Variants in RBFOX3 observed in about 807,000 individuals in gnomAD.
The protein encoded by RBFOX3 is RNA binding fox-1 homolog 3.
In RBFOX3, 17 loss-of-function variants were observed where a neutral mutation model predicts 48.7. The ratio of observed to expected loss-of-function variants is 0.35; its 90% CI spans 0.24 to 0.52. The LOEUF (loss-of-function observed/expected upper bound fraction) is 0.52. Ranked by LOEUF, RBFOX3 falls within the 20% of genes least tolerant of loss-of-function variation. The probability of loss-of-function intolerance (pLI) is 0.94; values close to 1 mark genes in which losing one functional copy is unlikely to be tolerated. For synonymous variants in RBFOX3, 212 were observed against 209.5 expected, an observed-to-expected ratio of 1.01 and a Z score of -0.10; for missense variants, 382 against 497.5, an observed-to-expected ratio of 0.77 and a Z score of 2.21.
intron 1 of RBFOX3, among the ~76,000 whole-genome samples, chr17:79,522,911 C>A (rs2086299684): frequency 1.8e-5 from 2 of 112,244 alleles, no homozygotes; most frequent in African/African-American, 3.7e-5. Flanking sequence ...GCCTGGGTGA[C>A]AGAGCAAGAC....
chr17:79,495,103 C>G (rs1415438646), intron 1 of RBFOX3, among the ~76,000 whole-genome samples: 1 of 151,930 alleles, frequency 6.6e-6, no homozygotes, highest in Non-Finnish European at 1.5e-5. Flanking sequence ...CGTTAAGGGT[C>G]GAAGCCCCCT....
Position 79,199,110 on chromosome 17 carries a change from G to A in RBFOX3, c.-34+36656C>T, listed in dbSNP as rs1262205373. Among the ~76,000 whole-genome samples, 1 of 152,172 alleles carries A rather than the reference G, an allele frequency of 6.6e-6. No individual in the cohort carries two copies. The highest frequency in any genetic ancestry group is 1.5e-5 in the Non-Finnish European group (1 of 68,036). On this transcript the variant is annotated intron_variant, in intron 4 of 14. Transcript: ENST00000693108. This position sits in a 1 kb window ranked among gnomAD's most constrained non-coding sequence, Gnocchi z 5.1. ...CAGAAAACAGTGGGAAGCAAGTGGG[G>A]GCTGTCTCCATGGAGTGAAAGCTGC... is the stretch of plus-strand genomic sequence containing the variant.
intron 2 of RBFOX3, among the ~76,000 whole-genome samples, chr17:79,381,610 G>T (rs971273263): frequency 1.3e-5 from 2 of 152,196 alleles, no homozygotes; most frequent in Non-Finnish European, 2.9e-5. Flanking sequence ...CAGCTGTGCG[G>T]AACAGGCACT....
intron 2 of RBFOX3, among the ~76,000 whole-genome samples, chr17:79,478,060 C>T (rs1219168698): frequency 3.3e-5 from 5 of 152,190 alleles, no homozygotes; most frequent in East Asian, 1.9e-4. Context: ...CCCCTCTCCC[C>T]GCTGCCAAGC....
intron 1 of RBFOX3, among the ~76,000 whole-genome samples, chr17:79,543,577 C>T (rs529955723): frequency 2.6e-5 from 4 of 152,296 alleles, no homozygotes; most frequent in African/African-American, 9.6e-5. Context: ...ACACTCCCCC[C>T]TTCATCAGCT....
At chr17:79,466,873 A>T (rs1396115805) in intron 2 of RBFOX3, among the ~76,000 whole-genome samples, 1 of 152,090 alleles carries the variant, frequency 6.6e-6, no homozygotes, top group Non-Finnish European at 1.5e-5. Flanking sequence ...CCACACGACC[A>T]GGTGTGAAGA....
intron 4 of RBFOX3, among the ~76,000 whole-genome samples, chr17:79,125,231 T>A (rs11867923): frequency 0.28 from 43,329 of 152,130 alleles, 6,891 homozygotes; most frequent in Non-Finnish European, 0.37. Flanking sequence ...TGGCTGGCTG[T>A]CTGAGCCACA....
At chr17:79,598,923 C>G (rs2093636846) in intron 1 of RBFOX3, 1 of 152,148 alleles carries the variant, frequency 6.6e-6, no homozygotes, top group Non-Finnish European at 1.5e-5. Flanking sequence ...TCCACAGAGT[C>G]CCAGGCAGGT....
At chr17:79,472,782 G>A (rs2077211455) in intron 2 of RBFOX3, among the ~76,000 whole-genome samples, 1 of 152,228 alleles carries the variant, frequency 6.6e-6, no homozygotes, top group South Asian at 2.1e-4. Context: ...CAGTGGCAGA[G>A]CTTATTCAAA....
chr17:79,224,022 G>A (rs533793141), intron 4 of RBFOX3, among the ~76,000 whole-genome samples: 3 of 152,226 alleles, frequency 2.0e-5, no homozygotes, highest in African/African-American at 7.2e-5. Context: ...CTTGAATGCC[G>A]CCTCCTGCAC....
intron 14 of RBFOX3, among the ~76,000 whole-genome samples, chr17:79,091,262 A>G (rs569255322): frequency 6.3e-4 from 96 of 152,276 alleles, no homozygotes; most frequent in Middle Eastern, 3.4e-3. Context: ...GGGCGGCAGG[A>G]CTTCAGCCCT....
At chr17:79,335,978 C>T (rs988063557) in intron 2 of RBFOX3, among the ~76,000 whole-genome samples, 2 of 152,318 alleles carry the variant, frequency 1.3e-5, no homozygotes, top group East Asian at 1.9e-4. Context: ...TCACACCTGC[C>T]GGTCTGCCTG....
chr17:79,440,642 C>T (rs1028060), intron 2 of RBFOX3, among the ~76,000 whole-genome samples: 95,566 of 152,002 alleles, frequency 0.63, 30,330 homozygotes, highest in East Asian at 0.77. Flanking sequence ...CTCTGGACCC[C>T]GGACCATGCC....
intron 5 of RBFOX3, among the ~76,000 whole-genome samples, chr17:79,108,571 G>A (rs8182264): frequency 0.05 from 7,671 of 152,332 alleles, 300 homozygotes; most frequent in East Asian, 0.21. Context: ...AGGCAGAGCC[G>A]TGCCAAGGTC....
intron 10 of RBFOX3, 24 bp downstream of exon 10, chr17:79,097,668 T>C (rs2075634798): frequency 2.4e-4 from 241 of 1,009,674 alleles, no homozygotes; most frequent in Non-Finnish European, 3.0e-4. Flanking sequence ...TCTCATCCCA[T>C]CCCCGCCCCG....
chr17:79,525,192 C>T (rs990186702), intron 1 of RBFOX3, among the ~76,000 whole-genome samples: 16 of 152,110 alleles, frequency 1.1e-4, no homozygotes, highest in Non-Finnish European at 1.9e-4. Context: ...AGGTGTGGAG[C>T]GGCGTCTCTG....
intron 3 of RBFOX3, among the ~76,000 whole-genome samples, chr17:79,247,050 C>T (rs1462295909): frequency 1.3e-5 from 2 of 152,196 alleles, no homozygotes; most frequent in Admixed American, 6.5e-5. Context: ...TGAGCAAATC[C>T]CCTAAGAAAC....
rs2077318166 is a variant in RBFOX3, at chr17:79,473,616, C to G, written c.-175+8838G>C. The stretch of plus-strand genomic sequence containing the variant: ...ATCTTTGCTTGCTTTCAGGCCCTCC[C>G]ATAATGTTGACATCCTGATGAACCC... On this transcript the variant is annotated intron_variant, in intron 2 of 14. Transcript: ENST00000693108. This position sits in a 1 kb window ranked among gnomAD's most constrained non-coding sequence, Gnocchi z 4.2. 1.3e-5 allele frequency among the ~76,000 whole-genome samples: 2 copies of G among 152,256 alleles called. No homozygotes were observed. Among genetic ancestry groups the G allele is most frequent in the South Asian group, 4.1e-4 (2 of 4,830 alleles).
At chr17:79,529,219 G>A (rs2087299255) in intron 1 of RBFOX3, among the ~76,000 whole-genome samples, 1 of 152,160 alleles carries the variant, frequency 6.6e-6, no homozygotes, top group South Asian at 2.1e-4. Flanking sequence ...ACAAAAGCCT[G>A]GGGGATGGGG....
Sources: gnomAD v4.1 joint callset for allele counts (sites outside exome capture counted in the v4.1 genomes callset) on GRCh38, gnomAD v4.1.1 for gene constraint, Gnocchi (gnomAD v3.1) non-coding constraint, MANE v1.5 for transcripts, NCBI Gene and HGNC (gene_info 2026-07-23, HGNC 2026-07-21) for gene names.